The following CSTA variants were observed in gnomAD, a reference collection of about 807,000 sequenced individuals.
CSTA encodes cystatin-A.
In CSTA, 9 loss-of-function variants were observed where a neutral mutation model predicts 9.2. That is an observed-to-expected ratio of 0.97 (90% CI 0.59 to 1.70). The LOEUF (loss-of-function observed/expected upper bound fraction) is 1.70, where lower values mean the gene tolerates loss of function less well. Among genes scored for constraint, CSTA ranks in the 40% most tolerant of loss-of-function variants. The pLI, the probability that CSTA is intolerant of heterozygous loss-of-function variation, is 0.00. For synonymous variants in CSTA, 36 were observed against 40.6 expected (o/e 0.89, Z 0.43); for missense variants, 118 against 113.1 (o/e 1.04, Z -0.20).
intron 1 of CSTA, among the ~76,000 whole-genome samples, chr3:122,336,191 A>C (rs1452124650): frequency 6.6e-6 from 1 of 152,180 alleles, no homozygotes; most frequent in Admixed American, 6.5e-5. Flanking sequence ...CTTGGGTCTT[A>C]AATACCGTTC....
At chr3:122,337,334 G>T (rs758999574) in intron 1 of CSTA, among the ~76,000 whole-genome samples, 1 of 152,136 alleles carries the variant, frequency 6.6e-6, no homozygotes, top group Non-Finnish European at 1.5e-5. Context: ...ACACTGAGTT[G>T]ATGTGAATTC....
At chr3:122,337,506 A>AT in intron 1 of CSTA, 41 bp from the exon 2 acceptor site, 1 of 1,404,440 alleles carries the variant, frequency 7.1e-7, no homozygotes. Context: ...ATGGAGTCTA[A>AT]TATAGCTTTG....
intron 1 of CSTA, among the ~76,000 whole-genome samples, chr3:122,335,057 T>C (rs2075228709): frequency 6.6e-6 from 1 of 152,202 alleles, no homozygotes; most frequent in Non-Finnish European, 1.5e-5. Flanking sequence ...CAAGAGCTCA[T>C]AGTAGACTCT....
rs2107668245 is a variant in CSTA, at chr3:122,337,530, T to A, written c.67-17T>A. ...AATATAGCTTTGATTATTTGTTTCC[T>A]CTTTTCTTTTCTTTAGGTTAAACCA... On this transcript the variant is annotated splice_polypyrimidine_tract_variant and intron_variant, in intron 1 of 2. Transcript: ENST00000264474. The A allele has an allele frequency of 3.9e-6, 6 of 1,546,760 alleles. No homozygotes were observed. Among genetic ancestry groups the A allele is most frequent in the African/African-American group, 1.4e-5 (1 of 74,028 alleles).
At chr3:122,335,503 G>A (rs4380359) in intron 1 of CSTA, among the ~76,000 whole-genome samples, 128,624 of 152,156 alleles carry the variant, frequency 0.85, 56,661 homozygotes, top group East Asian at 0.99. Context: ...GAAAATAGGC[G>A]AATACATTGC....
chr3:122,337,929 G>GTGC lies in CSTA; in HGVS notation c.168+289_168+291dup, dbSNP rs1391876328. On this transcript the variant is annotated intron_variant, in intron 2 of 2. Coordinates refer to ENST00000264474, the MANE Select transcript of CSTA (RefSeq NM_005213.4). Reference sequence around the variant, plus strand: ...TTCAGGGCATGCTGGATTTGTGGCTGTGCTGCTGCTTAGGTAAGGAGGGAG... The same window carrying GTGC: ...TTCAGGGCATGCTGGATTTGTGGCTGTGCTGCTGCTGCTTAGGTAAGGAGGGAG... 3 of 395,228 alleles carry GTGC rather than the reference G, an allele frequency of 7.6e-6. No homozygotes were observed. The East Asian group carries it at 1.7e-4, about 23-fold the overall frequency. The allele number at this position is 395,228 out of a possible 1,614,324, so 24.5% of individuals were successfully genotyped here.
Position 122,341,643 on chromosome 3 carries a change from A to G in CSTA, c.*76A>G. ...ATCCTTGCTGATAAATATAACCATCAATAAAGAAGCATTCTTTTCCAAAGA... is the reference window on the plus strand; with the variant it reads ...ATCCTTGCTGATAAATATAACCATCGATAAAGAAGCATTCTTTTCCAAAGA... On this transcript the variant is annotated 3_prime_UTR_variant, in exon 3 of 3. Coordinates refer to ENST00000264474, the MANE Select transcript of CSTA (RefSeq NM_005213.4). 1 of 1,523,598 alleles carries G rather than the reference A, an allele frequency of 6.6e-7. No homozygotes were observed. The highest frequency in any genetic ancestry group is 9.1e-7 in the Non-Finnish European group (1 of 1,103,926). The allele number at this position is 1,523,598 out of a possible 1,614,324, so 94.4% of individuals were successfully genotyped here.
intron 1 of CSTA, among the ~76,000 whole-genome samples, chr3:122,333,533 AAAGAAAG>A (rs2075216241): frequency 8.6e-6 from 1 of 115,940 alleles, no homozygotes; most frequent in Non-Finnish European, 1.9e-5. Context: ...GAAAGAAAGA[AAAGAAAG>A]AAGAAAGAAA....
intron 1 of CSTA, among the ~76,000 whole-genome samples, chr3:122,334,706 A>G (rs2075226780): frequency 6.6e-6 from 1 of 152,204 alleles, no homozygotes; most frequent in Non-Finnish European, 1.5e-5. Flanking sequence ...AAATCCACAG[A>G]CATAAAGACA....
At position 122,337,795 on chromosome 3, in the gene CSTA, T is replaced by A. The variant is rs554222728; in HGVS notation, c.168+147T>A. On this transcript the variant is annotated intron_variant, in intron 2 of 2. Transcript: ENST00000264474. ...ATGATTCCTTCCAAGTGGTGGACTC[T>A]CAAATTTGGTAGATGATGTGACACC... 435 of 706,982 alleles carry A rather than the reference T, an allele frequency of 6.2e-4. 1 individual carries two copies. Among genetic ancestry groups the A allele is most frequent in the Middle Eastern group, 2.5e-3 (10 of 4,024 alleles). The allele number at this position is 706,982 out of a possible 1,614,324, so 43.8% of individuals were successfully genotyped here.
At chr3:122,329,678 A>C (rs1168677244) in intron 1 of CSTA, among the ~76,000 whole-genome samples, 2 of 152,252 alleles carry the variant, frequency 1.3e-5, no homozygotes, top group Non-Finnish European at 2.9e-5. Flanking sequence ...TTATTATAGA[A>C]GCTACATGAG....
At chr3:122,328,976 T>A (rs1405213086) in intron 1 of CSTA, among the ~76,000 whole-genome samples, 3 of 122,536 alleles carry the variant, frequency 2.4e-5, no homozygotes, top group African/African-American at 5.2e-5. Flanking sequence ...TAAAATTTAA[T>A]TTTTTTTTTG....
intron 1 of CSTA, among the ~76,000 whole-genome samples, chr3:122,327,020 A>G (rs1457084097): frequency 2.0e-5 from 3 of 151,998 alleles, no homozygotes; most frequent in African/African-American, 7.3e-5. Flanking sequence ...CAGGTGGATC[A>G]CAAGGTCAGC....
At chr3:122,336,206 A>G (rs964123936) in intron 1 of CSTA, among the ~76,000 whole-genome samples, 1 of 152,214 alleles carries the variant, frequency 6.6e-6, no homozygotes, top group Admixed American at 6.5e-5. Context: ...CCGTTCTCCA[A>G]TAAAAGGAGC....
intron 2 of CSTA, 142 bp from the exon 3 acceptor site, chr3:122,341,296 TA>T: frequency 1.2e-6 from 1 of 822,622 alleles, no homozygotes; most frequent in Non-Finnish European, 2.0e-6. Flanking sequence ...ACAAAGAGTC[TA>T]AGAATGGTGG....
chr3:122,341,029 C>T (rs1313321624), intron 2 of CSTA, among the ~76,000 whole-genome samples: 1 of 151,914 alleles, frequency 6.6e-6, no homozygotes, highest in Non-Finnish European at 1.5e-5. Flanking sequence ...GCAACCTTCT[C>T]CTCCTGGGTT....
chr3:122,331,932 C>G (rs1215438734), intron 1 of CSTA, among the ~76,000 whole-genome samples: 1 of 152,190 alleles, frequency 6.6e-6, no homozygotes, highest in African/African-American at 2.4e-5. Flanking sequence ...TGTTCCACCT[C>G]AGATCATCAG....
At chr3:122,330,950 C>T (rs2075200692) in intron 1 of CSTA, among the ~76,000 whole-genome samples, 3 of 152,114 alleles carry the variant, frequency 2.0e-5, no homozygotes, top group African/African-American at 7.2e-5. Context: ...CAGCAAAAGC[C>T]TCCGGATCAT....
At chr3:122,339,699 G>A (rs1286125219) in intron 2 of CSTA, among the ~76,000 whole-genome samples, 2 of 152,124 alleles carry the variant, frequency 1.3e-5, no homozygotes, top group African/African-American at 4.8e-5. Context: ...CAAAGAAAAT[G>A]TTTTAATTAC....
Sources: gnomAD v4.1 joint callset for allele counts (sites outside exome capture counted in the v4.1 genomes callset) on GRCh38, gnomAD v4.1.1 for gene constraint, MANE v1.5 for transcripts, NCBI Gene and HGNC (gene_info 2026-07-23, HGNC 2026-07-21) for gene names.